IL10RA: variants seen among roughly 807,000 people sequenced by gnomAD.
The protein encoded by IL10RA is interleukin 10 receptor subunit alpha.
IL10RA carries 18 observed loss-of-function variants against 29.6 expected under a neutral mutation model. That is an observed-to-expected ratio of 0.61 (90% confidence interval 0.42 to 0.90). The LOEUF (loss-of-function observed/expected upper bound fraction) is 0.90. Ranked by LOEUF, IL10RA falls within the 40% of genes least tolerant of loss-of-function variation. The probability of loss-of-function intolerance (pLI) is 0.00; values close to 1 mark genes in which losing one functional copy is unlikely to be tolerated. For synonymous variants in IL10RA, 292 were observed against 294.1 expected, an observed-to-expected ratio of 0.99 and a Z score of 0.07; for missense variants, 634 against 716.6, an observed-to-expected ratio of 0.88 and a Z score of 1.32.
At position 117,989,741 on chromosome 11, in the gene IL10RA, G is replaced by A; in HGVS notation, c.367+121G>A. 9.6e-7 allele frequency: 1 copy of A among 1,039,240 alleles called. No individual in the cohort carries two copies. The highest frequency in any genetic ancestry group is 1.3e-5 in the South Asian group (1 of 74,166). The allele number at this position is 1,039,240 out of a possible 1,614,324, so 64.4% of individuals were successfully genotyped here. A position where few individuals can be genotyped will look rare whatever the true frequency, so the allele number is the denominator to read the frequency against. On this transcript the variant is annotated intron_variant, in intron 3 of 6. Coordinates refer to ENST00000227752, the MANE Select transcript of IL10RA (RefSeq NM_001558.4). The surrounding 1 kb of genome is among the most constrained non-coding windows in gnomAD (Gnocchi z 4.5). The stretch of plus-strand genomic sequence containing the variant: ...ATGTCTGCCAGCCTCCCTGGCCGGA[G>A]AACTAGTTGCCCAAACAGGGCAGGA...
In IL10RA at chr11:117,986,481, T is replaced by C; in HGVS notation, c.14T>C (p.Leu5Pro). Residue 5 changes from leucine (L) to proline (P), a missense_variant, in exon 1 of 7, where the codon CTC becomes CCC. By Grantham distance (98) the Leu-to-Pro change is moderately conservative. Coordinates refer to ENST00000227752, the MANE Select transcript of IL10RA (RefSeq NM_001558.4). Reference protein sequence around the residue: MLPCLVVLLAALLSL... With the variant: MLPCPVVLLAALLSL... ...GGCGCGCCCAGGATGCTGCCGTGCC[T>C]CGTAGTGCTGCTGGCGGCGCTCCTC... 2.6e-6 allele frequency: 4 copies of C among 1,555,826 alleles called. No homozygotes were observed. The highest frequency in any genetic ancestry group is 1.7e-6 in the Non-Finnish European group (2 of 1,149,812).
chr11:118,001,941 T>C (rs1394700581), downstream of IL10RA: 1 of 157,616 alleles, frequency 6.3e-6, no homozygotes. Context: ...GAAAGCACAA[T>C]GCAACGTTTT....
chr11:117,999,886 C>T lies in IL10RA; in HGVS notation c.*245C>T. 2 of 669,354 alleles carry T rather than the reference C, an allele frequency of 3.0e-6. No individual in the cohort carries two copies. Among genetic ancestry groups the T allele is most frequent in the South Asian group, 3.0e-5 (2 of 66,404 alleles). 41.5% of individuals were successfully genotyped at this position (669,354 alleles called of 1,614,324 possible). A position where few individuals can be genotyped will look rare whatever the true frequency, so the allele number is the denominator to read the frequency against. ...ACCTGTTCTGTTGACTGGGGCCCTGCAGACTCTGGCAGAGCTGAGAAGGGC... is the reference window on the plus strand; with the variant it reads ...ACCTGTTCTGTTGACTGGGGCCCTGTAGACTCTGGCAGAGCTGAGAAGGGC... On this transcript the variant is annotated 3_prime_UTR_variant, in exon 7 of 7. Coordinates refer to ENST00000227752, the MANE Select transcript of IL10RA (RefSeq NM_001558.4).
At chr11:117,993,076 C>G in intron 3 of IL10RA, 165 bp from the exon 4 acceptor site, 1 of 646,700 alleles carries the variant, frequency 1.5e-6, no homozygotes, top group South Asian at 1.8e-5. Context: ...TTAATGTGCT[C>G]CCCAAGAAGT....
intron 6 of IL10RA, among the ~76,000 whole-genome samples, chr11:117,996,287 G>A (rs959226291): frequency 1.3e-4 from 20 of 152,180 alleles, no homozygotes; most frequent in Middle Eastern, 6.8e-3. Context: ...GAGAGGGGAT[G>A]CTGGCAGGGG....
Position 117,999,673 on chromosome 11 carries a change from C to T in IL10RA, c.*32C>T. Reference sequence around the variant, plus strand: ...CTGAGAGGCTGCTTTTGATTTTAGCCATGCCTGCTCCTCTGCCTGGACCAG... The same window carrying T: ...CTGAGAGGCTGCTTTTGATTTTAGCTATGCCTGCTCCTCTGCCTGGACCAG... On this transcript the variant is annotated 3_prime_UTR_variant, in exon 7 of 7. Transcript: ENST00000227752. 1 of 1,580,074 alleles carries T rather than the reference C, an allele frequency of 6.3e-7. No individual in the cohort carries two copies. The highest frequency in any genetic ancestry group is 8.7e-7 in the Non-Finnish European group (1 of 1,150,524).
At position 117,989,105 on chromosome 11, in the gene IL10RA, T is replaced by C. The variant is rs976826580; in HGVS notation, c.189-337T>C. Among the ~76,000 whole-genome samples the C allele has an allele frequency of 2.0e-5, 3 of 152,214 alleles. No homozygotes were observed. The highest frequency in any genetic ancestry group is 7.2e-5 in the African/African-American group (3 of 41,452). On this transcript the variant is annotated intron_variant, in intron 2 of 6. Transcript: ENST00000227752. This position sits in a 1 kb window ranked among gnomAD's most constrained non-coding sequence, Gnocchi z 4.5. ...ACTGGAAAAGGAGAAGCATCCACAG[T>C]ACAGCCAGACAACAGGGGAACACTA...
At chr11:117,995,965 C>G (rs996180661) in intron 6 of IL10RA, among the ~76,000 whole-genome samples, 1 of 152,134 alleles carries the variant, frequency 6.6e-6, no homozygotes, top group Non-Finnish European at 1.5e-5. Context: ...TCAATGACCA[C>G]GAGCCATTTT....
Position 117,989,675 on chromosome 11 carries a change from A to T in IL10RA, c.367+55A>T. The T allele has an allele frequency of 6.4e-7, 1 of 1,550,886 alleles. No homozygotes were observed. Among genetic ancestry groups the T allele is most frequent in the Non-Finnish European group, 8.8e-7 (1 of 1,130,800 alleles). On this transcript the variant is annotated intron_variant, in intron 3 of 6. Transcript: ENST00000227752. This position sits in a 1 kb window ranked among gnomAD's most constrained non-coding sequence, Gnocchi z 4.5. Reference sequence around the variant, plus strand: ...GCTCTGAAGTCCCTTCCAGCCAGGAACTCTAGTCTAGAGCTTTTCTGTCTA... The same window carrying T: ...GCTCTGAAGTCCCTTCCAGCCAGGATCTCTAGTCTAGAGCTTTTCTGTCTA...
intron 3 of IL10RA, among the ~76,000 whole-genome samples, chr11:117,990,283 T>C (rs1358532428): frequency 6.6e-6 from 1 of 151,928 alleles, no homozygotes; most frequent in Admixed American, 6.6e-5. Context: ...GTGTTTAAAA[T>C]ATCTATTTCC....
At chr11:118,002,640 G>A (rs1372041790), downstream of IL10RA, 1 of 152,288 alleles carries the variant, frequency 6.6e-6, no homozygotes, top group Non-Finnish European at 1.5e-5. Context: ...TTGCAGGACA[G>A]AAGGAAGTCA....
At chr11:117,988,028 G>C in intron 1 of IL10RA, 1 of 370,990 alleles carries the variant, frequency 2.7e-6, no homozygotes, top group Non-Finnish European at 5.2e-6. Flanking sequence ...AATAGTGCTA[G>C]AGCAGGGACA....
chr11:117,992,796 G>C (rs2058031472), intron 3 of IL10RA, among the ~76,000 whole-genome samples: 1 of 152,116 alleles, frequency 6.6e-6, no homozygotes, highest in East Asian at 1.9e-4. Flanking sequence ...CTTTGCCCCA[G>C]GTTTTCTTCT....
chr11:118,000,798 C>T lies in IL10RA; in HGVS notation c.*1157C>T, dbSNP rs1164449993. 2.2e-6 allele frequency: 1 copy of T among 454,158 alleles called. No homozygotes were observed. The highest frequency in any genetic ancestry group is 4.4e-6 in the Non-Finnish European group (1 of 226,794). The allele number at this position is 454,158 out of a possible 1,614,324, so 28.1% of individuals were successfully genotyped here. A position where few individuals can be genotyped will look rare whatever the true frequency, so the allele number is the denominator to read the frequency against. ...AATGCAGATACTGTCCGTGGACTAC[C>T]AAGCTGGCTTGTTTCTTATGCCAGA... is the stretch of plus-strand genomic sequence containing the variant. On this transcript the variant is annotated 3_prime_UTR_variant, in exon 7 of 7. Transcript: ENST00000227752.
In IL10RA at chr11:117,998,734, C is replaced by T; in HGVS notation, c.830C>T (p.Pro277Leu). The T allele has an allele frequency of 6.2e-7, 1 of 1,614,126 alleles. No individual in the cohort carries two copies. Among genetic ancestry groups the T allele is most frequent in the East Asian group, 2.2e-5 (1 of 44,886 alleles). ...PSVLLFKKPS[P>L]FIFISQRPSP... ...CCCCAGCTCTTCAAGAAGCCCAGCC[C>T]CTTCATCTTCATCAGCCAGCGTCCC... Residue 277 changes from proline (P) to leucine (L), a missense_variant, in exon 7 of 7, where the codon CCC becomes CTC. Pro to Leu is a moderately conservative substitution (Grantham distance 98). Transcript: ENST00000227752.
In IL10RA at chr11:117,999,753, C is replaced by G. The variant is rs975441868; in HGVS notation, c.*112C>G. 4.4e-5 allele frequency: 43 copies of G among 975,250 alleles called. No homozygotes were observed. In the East Asian group the frequency reaches 1.1e-3, roughly 25 times the overall value. 60.4% of individuals were successfully genotyped at this position (975,250 alleles called of 1,614,324 possible). A position where few individuals can be genotyped will look rare whatever the true frequency, so the allele number is the denominator to read the frequency against. On this transcript the variant is annotated 3_prime_UTR_variant, in exon 7 of 7. Transcript: ENST00000227752. ...ACGAGGCAGTCTGGGCACTTTTCTG[C>G]AAGTCCACTGGGGCTGGCCCCAGCC... is the stretch of plus-strand genomic sequence containing the variant.
downstream of IL10RA, chr11:118,001,529 G>A (rs767696966): frequency 1.3e-5 from 5 of 377,230 alleles, no homozygotes; most frequent in Non-Finnish European, 2.6e-5. Context: ...GGCTCATGGA[G>A]GACTCGGTTG....
rs573850865 is a variant in IL10RA, at chr11:117,991,029, T to C, written c.367+1409T>C. 3.3e-5 allele frequency among the ~76,000 whole-genome samples: 5 copies of C among 152,122 alleles called. No homozygotes were observed. The East Asian group carries it at 9.7e-4, about 29-fold the overall frequency. The stretch of plus-strand genomic sequence containing the variant: ...CTGGCTGACAAGGTGAAACCCCATC[T>C]CTTCTAAAAATACAAAAATTAGCCG... On this transcript the variant is annotated intron_variant, in intron 3 of 6. Transcript: ENST00000227752.
chr11:117,986,571 C>G (rs2057988160), intron 1 of IL10RA, 37 bp downstream of exon 1: 1 of 1,549,640 alleles, frequency 6.5e-7, no homozygotes, highest in Non-Finnish European at 8.7e-7. Flanking sequence ...CTGCCCTGCC[C>G]TCTCCGCGCC....
Sources: allele counts gnomAD v4.1 joint callset (sites outside exome capture counted in the v4.1 genomes callset), GRCh38; gene constraint gnomAD v4.1.1; non-coding constraint Gnocchi (gnomAD v3.1); transcripts MANE v1.5; gene names NCBI Gene and HGNC (gene_info 2026-07-23, HGNC 2026-07-21).